Variants in CES5A observed in about 807,000 individuals in gnomAD.
CES5A encodes the protein carboxylesterase 5.
A neutral mutation model predicts 62.9 loss-of-function variants in CES5A; 67 were observed. That is an observed-to-expected ratio of 1.07 (90% CI 0.88 to 1.31). The LOEUF (loss-of-function observed/expected upper bound fraction) is 1.31, where lower values mean the gene tolerates loss of function less well. CES5A is among the 50% of genes most tolerant of loss of function. The pLI is 0.00. For missense variants in CES5A, 748 were observed against 708.5 expected, an observed-to-expected ratio of 1.06 and a Z score of -0.63; for synonymous variants, 296 against 280.8, an observed-to-expected ratio of 1.05 and a Z score of -0.54.
chr16:55,919,188 GCACAGGC>G (rs1416675174), intron 1 of CES5A, among the ~76,000 whole-genome samples: 1 of 152,244 alleles, frequency 6.6e-6, no homozygotes, highest in Non-Finnish European at 1.5e-5. Context: ...TCGCCCCAGG[GCACAGGC>G]CTCCCTTCCT....
Position 55,875,311 on chromosome 16 carries a change from C to T in CES5A, c.-90G>A, listed in dbSNP as rs912944686. 4 of 1,559,562 alleles carry T rather than the reference C, an allele frequency of 2.6e-6. No individual in the cohort carries two copies. The highest frequency in any genetic ancestry group is 2.0e-4 in the Middle Eastern group (1 of 5,124). On this transcript the variant is annotated 5_prime_UTR_variant, in exon 1 of 13. Coordinates refer to ENST00000290567, the MANE Select transcript of CES5A (RefSeq NM_001143685.2). ...GGAGCCAGAAAGAGCTTCCTGTTAA[C>T]AGGCAAATGCTGAATAGGCAGGCAG...
chr16:55,922,350 T>C (rs1335229666), intron 1 of CES5A, among the ~76,000 whole-genome samples: 2 of 151,632 alleles, frequency 1.3e-5, no homozygotes, highest in African/African-American at 2.4e-5. Flanking sequence ...GGGTGGAAAA[T>C]GATATTCCAT....
chr16:55,849,841 A>C, intron 10 of CES5A, 68 bp from the exon 11 acceptor site: 1 of 1,544,070 alleles, frequency 6.5e-7, no homozygotes, highest in Non-Finnish European at 8.8e-7. Context: ...CTGTGTCCCC[A>C]CCTATCAAGT....
upstream of CES5A, among the ~76,000 whole-genome samples, chr16:55,925,813 G>A (rs914362794): frequency 6.6e-6 from 1 of 152,050 alleles, no homozygotes; most frequent in East Asian, 1.9e-4. Context: ...AAAAGCTTCT[G>A]CACAGCAGAA....
upstream of CES5A, among the ~76,000 whole-genome samples, chr16:55,879,095 C>G (rs1484045045): frequency 2.0e-5 from 3 of 147,314 alleles, no homozygotes; most frequent in African/African-American, 7.5e-5. Flanking sequence ...TATCCCATCG[C>G]TGTACCCTAC....
intron 1 of CES5A, among the ~76,000 whole-genome samples, chr16:55,881,305 C>A (rs1394900324): frequency 1.3e-5 from 2 of 152,192 alleles, no homozygotes; most frequent in Non-Finnish European, 2.9e-5. Context: ...AGTCCCTTCC[C>A]CAGGAGAAAA....
In CES5A at chr16:55,951,778, A is replaced by G. The variant is rs1174118040; in HGVS notation, c.43-1876T>C. ...GCCATGAACTTTTATGCACCCAATA[A>G]CTTAGCTTCAATACAGAAAGCAAAA... On this transcript the variant is annotated intron_variant, in intron 1 of 13. Transcript: ENST00000521992. 2.0e-5 allele frequency among the ~76,000 whole-genome samples: 3 copies of G among 152,214 alleles called. No individual in the cohort carries two copies. The East Asian group carries it at 5.8e-4, about 29-fold the overall frequency.
At chr16:55,899,050 A>G (rs1307714692) in intron 1 of CES5A, among the ~76,000 whole-genome samples, 4 of 152,062 alleles carry the variant, frequency 2.6e-5, no homozygotes, top group Non-Finnish European at 5.9e-5. Context: ...ACCCCATACA[A>G]CATAACTCAG....
chr16:55,931,179 A>G (rs1268461941), intron 2 of CES5A, among the ~76,000 whole-genome samples: 1 of 152,222 alleles, frequency 6.6e-6, no homozygotes, highest in African/African-American at 2.4e-5. Context: ...TCTTCATCCC[A>G]GGAATTACTT....
intron 1 of CES5A, among the ~76,000 whole-genome samples, chr16:55,882,495 C>A (rs1414123511): frequency 1.3e-5 from 2 of 152,218 alleles, no homozygotes; most frequent in African/African-American, 4.8e-5. Context: ...TCCACCGTCA[C>A]AGGCCTGCCA....
chr16:55,949,314 C>T (rs549044487), intron 2 of CES5A, among the ~76,000 whole-genome samples: 6 of 152,288 alleles, frequency 3.9e-5, no homozygotes, highest in East Asian at 1.9e-4. Flanking sequence ...GGTGATCCTT[C>T]GGAACTGCCT....
At position 55,874,148 on chromosome 16, in the gene CES5A, G is replaced by A. The variant is rs533190655; in HGVS notation, c.74-111C>T. On this transcript the variant is annotated intron_variant, in intron 1 of 12. Coordinates refer to ENST00000290567, the MANE Select transcript of CES5A (RefSeq NM_001143685.2). ...TGTGCTTCCTTCACTCAGAAGTTGTGCAGCTGGTGGTATCCAGGTTCCCTC... is the reference window on the plus strand; with the variant it reads ...TGTGCTTCCTTCACTCAGAAGTTGTACAGCTGGTGGTATCCAGGTTCCCTC... 1.3e-5 allele frequency: 12 copies of A among 933,768 alleles called. No individual in the cohort carries two copies. In the East Asian group the frequency reaches 2.9e-4, roughly 23 times the overall value. The allele number at this position is 933,768 out of a possible 1,614,324, so 57.8% of individuals were successfully genotyped here.
chr16:55,874,584 G>A (rs1170621975), intron 1 of CES5A, among the ~76,000 whole-genome samples: 3 of 151,928 alleles, frequency 2.0e-5, no homozygotes, highest in African/African-American at 7.3e-5. Context: ...GGTGAGTTAG[G>A]TATATGCTTT....
upstream of CES5A, among the ~76,000 whole-genome samples, chr16:55,877,418 G>A (rs1462158448): frequency 2.0e-5 from 3 of 148,228 alleles, no homozygotes; most frequent in Non-Finnish European, 3.0e-5. Context: ...ATGTGTGTGT[G>A]TGTATATATA....
intron 5 of CES5A, among the ~76,000 whole-genome samples, chr16:55,863,761 CTTTT>C (rs35575589): frequency 7.1e-6 from 1 of 141,492 alleles, no homozygotes. Flanking sequence ...CTTTTTATTT[CTTTT>C]TTTTTTTTTT....
chr16:55,895,071 G>C (rs1394990882), intron 1 of CES5A, among the ~76,000 whole-genome samples: 3 of 152,182 alleles, frequency 2.0e-5, no homozygotes, highest in Admixed American at 1.3e-4. Context: ...TCTCACATCT[G>C]GCTGACCTTC....
chr16:55,866,700 C>T (rs1489315487), intron 4 of CES5A, among the ~76,000 whole-genome samples: 1 of 128,276 alleles, frequency 7.8e-6, no homozygotes, highest in Non-Finnish European at 1.8e-5. Context: ...TAGCTGGACA[C>T]GGTGGCAGGC....
chr16:55,887,934 C>T (rs78795010), intron 1 of CES5A, among the ~76,000 whole-genome samples: 174 of 152,260 alleles, frequency 1.1e-3, no homozygotes, highest in African/African-American at 4.1e-3. Context: ...CGGCCGAGTA[C>T]TGCATGCAGT....
intron 10 of CES5A, among the ~76,000 whole-genome samples, chr16:55,851,814 C>A (rs114338026): frequency 2.5e-3 from 385 of 152,200 alleles, no homozygotes; most frequent in South Asian, 0.023. Context: ...TAAATGGATA[C>A]ACAAAATGTG....
Sources: gnomAD v4.1 joint callset for allele counts (sites outside exome capture counted in the v4.1 genomes callset) on GRCh38, gnomAD v4.1.1 for gene constraint, MANE v1.5 for transcripts, NCBI Gene and HGNC (gene_info 2026-07-23, HGNC 2026-07-21) for gene names.